E2F7: variants seen among roughly 807,000 people sequenced by gnomAD.
E2F7 encodes the protein transcription factor E2F7.
In E2F7, 35 loss-of-function variants were observed where a neutral mutation model predicts 81.1. That is an observed-to-expected ratio of 0.43 (90% confidence interval 0.33 to 0.57). The LOEUF is 0.57. Among genes scored for constraint, E2F7 ranks in the 20% least tolerant of loss-of-function variants. The pLI, the probability that E2F7 is intolerant of heterozygous loss-of-function variation, is 0.04. For missense variants in E2F7, 961 were observed against 1,093.7 expected (o/e 0.88, Z 1.71); for synonymous variants, 416 against 416.2 (o/e 1.00, Z 0.01).
rs1955101526 is a variant in E2F7 at position 77,064,392 on chromosome 12, C to T, written c.93+151G>A. Reference sequence around the variant, plus strand: ...ATTCCAACAATAATGGTTTGGATGGCTCTATTTTTAAAAAAGAATGTTTCT... The same window carrying T: ...ATTCCAACAATAATGGTTTGGATGGTTCTATTTTTAAAAAAGAATGTTTCT... On this transcript the variant is annotated intron_variant, in intron 2 of 12. Transcript: ENST00000322886. 6.0e-6 allele frequency: 4 copies of T among 668,124 alleles called. No individual in the cohort carries two copies. The East Asian group carries it at 1.1e-4, about 19-fold the overall frequency. 41.4% of individuals were successfully genotyped at this position (668,124 alleles called of 1,614,324 possible).
chr12:77,051,948 T>A (rs74650509), intron 3 of E2F7, among the ~76,000 whole-genome samples: 16,119 of 152,220 alleles, frequency 0.11, 881 homozygotes, highest in East Asian at 0.14. Flanking sequence ...AAAATAGTTT[T>A]AGAATTTAGC....
In E2F7 at chr12:77,044,796, C is replaced by G; in HGVS notation, c.830-1G>C. 6.2e-7 allele frequency: 1 copy of G among 1,612,688 alleles called. No homozygotes were observed. Among genetic ancestry groups the G allele is most frequent in the African/African-American group, 1.3e-5 (1 of 74,912 alleles). ...TTGTCTTTTCTACTGTTTGCAGATG[C>G]TACACAAGGAATGAAACAAAAGCAT... On this transcript the variant is annotated splice_acceptor_variant, in intron 5 of 12. Transcript: ENST00000322886. LOFTEE classifies it high-confidence loss of function.
intron 2 of E2F7, among the ~76,000 whole-genome samples, chr12:77,063,643 A>T (rs1955095596): frequency 6.6e-6 from 1 of 152,086 alleles, no homozygotes. Flanking sequence ...AATAAATCAA[A>T]ATGCCGGACA....
At chr12:77,028,987 T>G (rs1954781970) in intron 10 of E2F7, among the ~76,000 whole-genome samples, 2 of 152,214 alleles carry the variant, frequency 1.3e-5, no homozygotes. Flanking sequence ...CCATGGTGGT[T>G]AGACTGTGAA....
chr12:77,037,200 A>C (rs1954858704), intron 7 of E2F7, among the ~76,000 whole-genome samples: 1 of 152,268 alleles, frequency 6.6e-6, no homozygotes, highest in South Asian at 2.1e-4. Flanking sequence ...AAAATATTAG[A>C]TGGAAACTTA....
intron 4 of E2F7, among the ~76,000 whole-genome samples, chr12:77,048,931 G>A (rs1251598057): frequency 6.6e-6 from 1 of 152,196 alleles, no homozygotes; most frequent in Non-Finnish European, 1.5e-5. Flanking sequence ...CATGGAAGAA[G>A]TAGGCTTCAT....
chr12:77,058,114 C>T (rs966981694), intron 2 of E2F7, among the ~76,000 whole-genome samples: 24 of 152,162 alleles, frequency 1.6e-4, no homozygotes, highest in African/African-American at 5.8e-4. Context: ...TCTCATACTA[C>T]AGTAAGTACT....
At chr12:77,053,626 C>T (rs11116814) in intron 3 of E2F7, among the ~76,000 whole-genome samples, 5,151 of 152,208 alleles carry the variant, frequency 0.034, 130 homozygotes, top group East Asian at 0.13. Flanking sequence ...TAAACAAGAA[C>T]GAATATCATA....
intron 9 of E2F7, among the ~76,000 whole-genome samples, chr12:77,032,706 T>C (rs1273218768): frequency 6.6e-6 from 1 of 152,194 alleles, no homozygotes; most frequent in Non-Finnish European, 1.5e-5. Flanking sequence ...GAACGGTACC[T>C]GGTAGTTAGT....
intron 4 of E2F7, among the ~76,000 whole-genome samples, chr12:77,047,367 A>C (rs943718071): frequency 1.3e-5 from 2 of 152,226 alleles, no homozygotes; most frequent in African/African-American, 4.8e-5. Flanking sequence ...AATTTTAAAT[A>C]CATACTTTTG....
At chr12:77,041,634 A>C (rs952895719) in intron 7 of E2F7, among the ~76,000 whole-genome samples, 12 of 152,190 alleles carry the variant, frequency 7.9e-5, no homozygotes, top group Admixed American at 2.0e-4. Flanking sequence ...CCAAAAATGC[A>C]GTCCCCACTG....
chr12:77,031,112 C>A (rs769831889), intron 9 of E2F7, among the ~76,000 whole-genome samples: 7 of 152,130 alleles, frequency 4.6e-5, no homozygotes, highest in Non-Finnish European at 1.0e-4. Flanking sequence ...GTGGCTCATG[C>A]CTCCTGTGGG....
intron 3 of E2F7, among the ~76,000 whole-genome samples, chr12:77,053,380 T>C (rs1426876645): frequency 6.6e-6 from 1 of 152,244 alleles, no homozygotes; most frequent in Non-Finnish European, 1.5e-5. Flanking sequence ...AACTGATTCT[T>C]GTGCTTGCCT....
intron 2 of E2F7, among the ~76,000 whole-genome samples, chr12:77,064,118 A>G (rs1216835005): frequency 6.6e-6 from 1 of 152,248 alleles, no homozygotes; most frequent in African/African-American, 2.4e-5. Context: ...TGAATGGAAC[A>G]GTCTCTGGGA....
At position 77,055,714 on chromosome 12, in the gene E2F7, C is replaced by G. The variant is rs138348091; in HGVS notation, c.369+141G>C. On this transcript the variant is annotated intron_variant, in intron 3 of 12. Coordinates refer to ENST00000322886, the MANE Select transcript of E2F7 (RefSeq NM_203394.3). ...TGAAAAATAAGATAGAATGAGAATT[C>G]TACTACAAATCAAAAGATATTCAGT... 2,242 of 893,178 alleles carry G rather than the reference C, an allele frequency of 2.5e-3. 33 individuals are homozygous for G. The African/African-American group carries it at 0.032, about 13-fold the overall frequency. 55.3% of individuals were successfully genotyped at this position (893,178 alleles called of 1,614,324 possible).
chr12:77,024,224 AT>A, intron 12 of E2F7, 39 bp from the exon 13 acceptor site: 1 of 1,587,568 alleles, frequency 6.3e-7, no homozygotes, highest in Non-Finnish European at 8.6e-7. Context: ...GTGAAGTCAT[AT>A]TGTTTCTGAT....
chr12:77,040,703 G>A (rs1318060201), intron 7 of E2F7, among the ~76,000 whole-genome samples: 1 of 152,120 alleles, frequency 6.6e-6, no homozygotes, highest in South Asian at 2.1e-4. Flanking sequence ...GGACCAGGAG[G>A]GAGGAATTAC....
chr12:77,032,412 T>C (rs7301469), intron 9 of E2F7, among the ~76,000 whole-genome samples: 32,450 of 152,200 alleles, frequency 0.21, 4,197 homozygotes, highest in African/African-American at 0.35. Context: ...TGTAATCTGC[T>C]TCTTCCCACA....
At position 77,046,132 on chromosome 12, in the gene E2F7, C is replaced by T; in HGVS notation, c.735G>A (p.Leu245=). 6.2e-7 allele frequency: 1 copy of T among 1,614,208 alleles called. No individual in the cohort carries two copies. Among genetic ancestry groups the T allele is most frequent in the South Asian group, 1.1e-5 (1 of 91,082 alleles). Residue 245 remains leucine, a synonymous_variant, in exon 5 of 13, where the codon CTG becomes CTA. Coordinates refer to ENST00000322886, the MANE Select transcript of E2F7 (RefSeq NM_203394.3). The part of the protein sequence containing the change: ...MAYLQQKELD[L]IDYKFGERKK... ...TACGTTCTCCAAATTTATAATCTAT[C>T]AGGTCCAGCTCTTTCTGTTGGAGGT...
Sources: gnomAD v4.1 joint callset for allele counts (sites outside exome capture counted in the v4.1 genomes callset) on GRCh38, gnomAD v4.1.1 for gene constraint, MANE v1.5 for transcripts, NCBI Gene and HGNC (gene_info 2026-07-23, HGNC 2026-07-21) for gene names.